Variants in NRXN3 observed in about 807,000 individuals in gnomAD.
The protein encoded by NRXN3 is neurexin III.
Under a neutral mutation model 137.6 loss-of-function variants are expected in NRXN3, and 32 were observed. The ratio of observed to expected loss-of-function variants is 0.23; its 90% CI spans 0.18 to 0.31. The LOEUF (loss-of-function observed/expected upper bound fraction) is 0.31, where lower values mean the gene tolerates loss of function less well. Among genes scored for constraint, NRXN3 ranks in the 10% least tolerant of loss-of-function variants. The pLI, the probability that NRXN3 is intolerant of heterozygous loss-of-function variation, is 1.00. For synonymous variants in NRXN3, 798 were observed against 784.5 expected, an observed-to-expected ratio of 1.02 and a Z score of -0.29; for missense variants, 1,574 against 2,062.5, an observed-to-expected ratio of 0.76 and a Z score of 4.59.
Position 79,425,651 on chromosome 14 carries a change from A to G in NRXN3, c.3263-41570A>G, listed in dbSNP as rs528420620. On this transcript the variant is annotated intron_variant, in intron 15 of 20. Coordinates refer to ENST00000335750, the MANE Select transcript of NRXN3 (RefSeq NM_001330195.2). ...CGAAAAGTAAACAGCCTCCCAGCTA[A>G]TAAACAGATGAGCTGCAATACCAAC... Among the ~76,000 whole-genome samples, 56 of 152,338 alleles carry G rather than the reference A, an allele frequency of 3.7e-4. No individual in the cohort carries two copies. In the South Asian group the frequency reaches 0.011, roughly 30 times the overall value.
chr14:79,808,528 T>C (rs2099219217), intron 20 of NRXN3, among the ~76,000 whole-genome samples: 1 of 152,070 alleles, frequency 6.6e-6, no homozygotes, highest in African/African-American at 2.4e-5. Flanking sequence ...AAAACATTTT[T>C]CCAGGCCTTT....
intron 2 of NRXN3, among the ~76,000 whole-genome samples, chr14:78,250,643 G>A (rs1364896984): frequency 2.0e-5 from 3 of 152,218 alleles, no homozygotes; most frequent in Non-Finnish European, 2.9e-5. Flanking sequence ...GAGGCAGGTA[G>A]GGCAGGCCTT....
chr14:78,172,652 A>G (rs1566894807), intron 1 of NRXN3, among the ~76,000 whole-genome samples: 1 of 151,982 alleles, frequency 6.6e-6, no homozygotes, highest in African/African-American at 2.4e-5. Flanking sequence ...TCCTTCTGGA[A>G]GGGGGGGAAA....
intron 4 of NRXN3, among the ~76,000 whole-genome samples, chr14:78,573,349 G>A (rs929040662): frequency 5.3e-5 from 8 of 152,194 alleles, no homozygotes; most frequent in African/African-American, 1.9e-4. Context: ...GTTGGAACAT[G>A]TTGGAGAGCT....
At chr14:79,440,774 C>T (rs901239635) in intron 15 of NRXN3, among the ~76,000 whole-genome samples, 6 of 152,120 alleles carry the variant, frequency 3.9e-5, no homozygotes, top group South Asian at 2.1e-4. Context: ...AGACCAGCAT[C>T]GAGAGTAGGA....
At chr14:79,286,737 A>T (rs1010071337) in intron 15 of NRXN3, among the ~76,000 whole-genome samples, 1 of 151,968 alleles carries the variant, frequency 6.6e-6, no homozygotes, top group Admixed American at 6.5e-5. Flanking sequence ...GGTGGGAACA[A>T]CTATGGTTGG....
intron 4 of NRXN3, among the ~76,000 whole-genome samples, chr14:78,414,964 C>T (rs1347957306): frequency 6.6e-6 from 1 of 152,154 alleles, no homozygotes; most frequent in Non-Finnish European, 1.5e-5. Context: ...CTATCTGACT[C>T]TAAGGCTGAT....
chr14:79,393,672 G>A (rs910307463), intron 15 of NRXN3, among the ~76,000 whole-genome samples: 16 of 152,070 alleles, frequency 1.1e-4, no homozygotes, highest in African/African-American at 3.9e-4. Flanking sequence ...AAAATTAACC[G>A]GGCGTGGTGG....
chr14:78,172,228 G>A (rs893164733), intron 1 of NRXN3, among the ~76,000 whole-genome samples: 1 of 152,098 alleles, frequency 6.6e-6, no homozygotes, highest in Non-Finnish European at 1.5e-5. Flanking sequence ...AGCACGCTGC[G>A]TGACTTGGTA....
At chr14:79,268,666 A>G (rs1181699259) in intron 15 of NRXN3, among the ~76,000 whole-genome samples, 1 of 152,204 alleles carries the variant, frequency 6.6e-6, no homozygotes, top group East Asian at 1.9e-4. Flanking sequence ...GGATTTAGCA[A>G]CAGAATAGTA....
chr14:78,814,382 C>T (rs376260338), intron 10 of NRXN3, among the ~76,000 whole-genome samples: 25 of 152,142 alleles, frequency 1.6e-4, no homozygotes, highest in African/African-American at 3.4e-4. Context: ...TTTGGGAGGC[C>T]GAGGTAGGCA....
At chr14:78,359,862 G>A (rs1597749106) in intron 4 of NRXN3, among the ~76,000 whole-genome samples, 4 of 152,204 alleles carry the variant, frequency 2.6e-5, no homozygotes, top group Middle Eastern at 3.4e-3. Context: ...AGGTGGACTC[G>A]CTGTGGTTGC....
chr14:79,843,854 C>A (rs972529100), intron 20 of NRXN3, among the ~76,000 whole-genome samples: 1 of 152,068 alleles, frequency 6.6e-6, no homozygotes, highest in African/African-American at 2.4e-5. Context: ...GCACCCATCA[C>A]CTGAGCAGTG....
intron 4 of NRXN3, among the ~76,000 whole-genome samples, chr14:78,606,495 G>C (rs1450080950): frequency 6.6e-6 from 1 of 152,096 alleles, no homozygotes; most frequent in Non-Finnish European, 1.5e-5. Context: ...TAGTTTTACT[G>C]AATTTGCCTG....
chr14:78,923,091 A>G lies in NRXN3; in HGVS notation c.2276-34151A>G, dbSNP rs980153470. Among the ~76,000 whole-genome samples the G allele has an allele frequency of 2.6e-5, 4 of 151,800 alleles. No individual in the cohort carries two copies. The East Asian group carries it at 7.8e-4, about 29-fold the overall frequency. On this transcript the variant is annotated intron_variant, in intron 10 of 20. Transcript: ENST00000335750. ...GGGACAGGCGGTCAGGTTTTTCTGGACCCCTCTTTCTCTGAGGATCTCTTC... is the reference window on the plus strand; with the variant it reads ...GGGACAGGCGGTCAGGTTTTTCTGGGCCCCTCTTTCTCTGAGGATCTCTTC...
chr14:78,583,128 G>A (rs12590068), intron 4 of NRXN3, among the ~76,000 whole-genome samples: 17,346 of 152,038 alleles, frequency 0.11, 1,562 homozygotes, highest in East Asian at 0.24. Flanking sequence ...GGGCCCACCC[G>A]GGACCGTCAA....
In NRXN3 at chr14:79,645,245, C is replaced by G. The variant is rs901617433; in HGVS notation, c.3445-18533C>G. On this transcript the variant is annotated intron_variant, in intron 16 of 20. Transcript: ENST00000335750. ...GTATTCCATTCTTCCTTAAAATAAGCCTTTGGAATTCAGCCCAGCTTCCAC... is the reference window on the plus strand; with the variant it reads ...GTATTCCATTCTTCCTTAAAATAAGGCTTTGGAATTCAGCCCAGCTTCCAC... Among the ~76,000 whole-genome samples the G allele has an allele frequency of 1.5e-5, 2 of 135,296 alleles. 1 individual carries two copies. The highest frequency in any genetic ancestry group is 3.4e-5 in the Non-Finnish European group (2 of 58,278). The allele number at this position is 135,296 out of a possible 152,430, so 88.8% of individuals were successfully genotyped here.
chr14:78,709,893 G>A (rs910815157), intron 7 of NRXN3: 8 of 508,242 alleles, frequency 1.6e-5, no homozygotes, highest in Non-Finnish European at 2.8e-5. Flanking sequence ...ATAGCTCTAC[G>A]ATCCTGGAGC....
chr14:79,515,346 T>A (rs1451454236), intron 16 of NRXN3, among the ~76,000 whole-genome samples: 1 of 150,612 alleles, frequency 6.6e-6, no homozygotes, highest in Non-Finnish European at 1.5e-5. Context: ...AGAATTTTAT[T>A]TGTGTTCCCA....
Sources: allele counts gnomAD v4.1 joint callset (sites outside exome capture counted in the v4.1 genomes callset), GRCh38; gene constraint gnomAD v4.1.1; transcripts MANE v1.5; gene names NCBI Gene and HGNC (gene_info 2026-07-23, HGNC 2026-07-21).